PRRC2B: variants seen among roughly 807,000 people sequenced by gnomAD.
PRRC2B encodes proline rich coiled-coil 2B, also known as protein PRRC2B.
A neutral mutation model predicts 242.3 loss-of-function variants in PRRC2B; 68 were observed. The ratio of observed to expected loss-of-function variants is 0.28; its 90% confidence interval spans 0.23 to 0.34. PRRC2B has a LOEUF of 0.34. PRRC2B is among the 10% of genes least tolerant of loss of function. PRRC2B has a pLI of 1.00. For missense variants in PRRC2B, 2,835 were observed against 2,954.8 expected (o/e 0.96, Z 0.94); for synonymous variants, 1,228 against 1,173.6 (o/e 1.05, Z -0.95).
Position 131,482,689 on chromosome 9 carries a change from CCT to C in PRRC2B, c.5176-16_5176-15del, listed in dbSNP as rs1564299746. 44 of 1,545,230 alleles carry C rather than the reference CCT, an allele frequency of 2.8e-5. No individual in the cohort carries two copies. The highest frequency in any genetic ancestry group is 3.7e-5 in the Non-Finnish European group (43 of 1,147,316). On this transcript the variant is annotated intron_variant, in intron 21 of 31. Coordinates refer to ENST00000683519, the MANE Select transcript of PRRC2B (RefSeq NM_013318.4). This position sits in a 1 kb window ranked among gnomAD's most constrained non-coding sequence, Gnocchi z 5.2. The stretch of plus-strand genomic sequence containing the variant: ...GGTCATTCCAGTCTGTGTGTCTCCA[CCT>C]CTCTGCTTTTTTATCAAGGATTCAG...
rs1386168111 is a variant in PRRC2B, at chr9:131,500,073, C to G, written c.*4199C>G. On this transcript the variant is annotated 3_prime_UTR_variant, in exon 32 of 32. Coordinates refer to ENST00000683519, the MANE Select transcript of PRRC2B (RefSeq NM_013318.4). ...GATTCACCAGGCCGGTGCTGGCACA[C>G]TCACCCTCGCCCTTTCCCTCCGGTT... 6.6e-6 allele frequency: 1 copy of G among 152,206 alleles called. No homozygotes were observed. Among genetic ancestry groups the G allele is most frequent in the Non-Finnish European group, 1.5e-5 (1 of 68,034 alleles). The allele number at this position is 152,206 out of a possible 1,614,324, so 9.4% of individuals were successfully genotyped here.
chr9:131,496,621 T>TGGG lies in PRRC2B; in HGVS notation c.*750_*752dup, dbSNP rs1222280933. ...GGGGTGCTCAGAGCAGCAGGCAGGT[T>TGGG]GGGGGAGGGGGGGGGTCATAGTTGG... On this transcript the variant is annotated 3_prime_UTR_variant, in exon 32 of 32. Coordinates refer to ENST00000683519, the MANE Select transcript of PRRC2B (RefSeq NM_013318.4). 2 of 95,068 alleles carry TGGG rather than the reference T, an allele frequency of 2.1e-5. No homozygotes were observed. Among genetic ancestry groups the TGGG allele is most frequent in the Non-Finnish European group, 4.6e-5 (2 of 43,840 alleles). 5.9% of individuals were successfully genotyped at this position (95,068 alleles called of 1,614,324 possible).
intron 1 of PRRC2B, among the ~76,000 whole-genome samples, chr9:131,420,509 T>TCTTTC (rs1299551586): frequency 2.6e-5 from 1 of 38,654 alleles, no homozygotes; most frequent in African/African-American, 7.4e-5. Flanking sequence ...TTTTTTTTTT[T>TCTTTC]TGAGATGGAG....
In PRRC2B at chr9:131,478,575, C is replaced by T. The variant is rs1207091615; in HGVS notation, c.4714C>T (p.Arg1572Cys). The T allele has an allele frequency of 1.2e-5, 19 of 1,608,114 alleles. No homozygotes were observed. Among genetic ancestry groups the T allele is most frequent in the African/African-American group, 1.4e-5 (1 of 73,276 alleles). ...CGAAGTCCTGACCAAGAAGCAGCGCCGCCTGCTGGAGGAAGAGAGAAGAAA... is the reference window on the plus strand; with the variant it reads ...CGAAGTCCTGACCAAGAAGCAGCGCTGCCTGCTGGAGGAAGAGAGAAGAAA... Reference protein sequence around the residue: ...FIEVLTKKQRRLLEEERRKKE... With the variant: ...FIEVLTKKQRCLLEEERRKKE... The change falls in exon 18 of 32, where the codon CGC becomes TGC. Residue 1572 changes from arginine (R) to cysteine (C), a missense_variant. Arg to Cys is a radical substitution (Grantham distance 180, BLOSUM62 -3). This residue lies in a region of PRRC2B where 1,536 missense variants were observed against 1,483.1 expected (regional missense o/e 1.04). Transcript: ENST00000683519.
At chr9:131,447,294 G>A (rs139101563) in intron 8 of PRRC2B, 88 bp downstream of exon 8, 3 of 1,520,102 alleles carry the variant, frequency 2.0e-6, no homozygotes, top group African/African-American at 2.7e-5. Context: ...TAGAAGTGCT[G>A]TGTCTCCTGG....
At chr9:131,465,935 G>A (rs1943383989) in intron 12 of PRRC2B, among the ~76,000 whole-genome samples, 1 of 152,174 alleles carries the variant, frequency 6.6e-6, no homozygotes, top group Non-Finnish European at 1.5e-5. Context: ...ATGTTGGCCA[G>A]GCTGGTTTGG....
intron 9 of PRRC2B, among the ~76,000 whole-genome samples, chr9:131,451,243 C>T (rs1005345219): frequency 2.6e-5 from 4 of 151,966 alleles, no homozygotes; most frequent in African/African-American, 9.7e-5. Context: ...GCTAAAAATA[C>T]AAAAAATTAG....
At chr9:131,493,317 A>G (rs1031004586) in intron 30 of PRRC2B, among the ~76,000 whole-genome samples, 1 of 152,114 alleles carries the variant, frequency 6.6e-6, no homozygotes, top group African/African-American at 2.4e-5. Flanking sequence ...TCGTTTTCCT[A>G]CCATGTCTGT....
intron 29 of PRRC2B, among the ~76,000 whole-genome samples, 182 bp downstream of exon 29, chr9:131,491,762 C>T (rs757167924): frequency 2.6e-5 from 4 of 152,186 alleles, no homozygotes; most frequent in African/African-American, 4.8e-5. Flanking sequence ...CTGAACATGT[C>T]GAGGGCTGAG....
chr9:131,425,644 C>T (rs573487836), intron 1 of PRRC2B, among the ~76,000 whole-genome samples: 10 of 151,636 alleles, frequency 6.6e-5, no homozygotes, highest in South Asian at 2.1e-4. Flanking sequence ...CCTGCCACCA[C>T]GCCAGGCTCA....
Position 131,387,121 on chromosome 9 carries a change from C to T in PRRC2B, c.-56+13390C>T, listed in dbSNP as rs1836836679. Among the ~76,000 whole-genome samples the T allele has an allele frequency of 2.0e-5, 3 of 150,258 alleles. No homozygotes were observed. The Admixed American group carries it at 2.1e-4, about 10-fold the overall frequency. ...GGTTCAAGCGATTCTTCTGCCTCAT[C>T]CTCCCAAGTAGCTGGGATTACAGGC... is the stretch of plus-strand genomic sequence containing the variant. On this transcript the variant is annotated intron_variant, in intron 1 of 1. Coordinates refer to the PRRC2B transcript ENST00000682525.
In PRRC2B at chr9:131,448,980, C is replaced by G. The variant is rs974701620; in HGVS notation, c.1120+1176C>G. ...CTCTGCCCTGCCACCGCTCAAGGGC[C>G]TGCTGCTCTTCTGATTCACTTTACC... On this transcript the variant is annotated intron_variant, in intron 9 of 31. Transcript: ENST00000683519. 8.5e-5 allele frequency among the ~76,000 whole-genome samples: 13 copies of G among 152,180 alleles called. 1 individual carries two copies. Among genetic ancestry groups the G allele is most frequent in the African/African-American group, 3.1e-4 (13 of 41,438 alleles).
chr9:131,462,194 C>T (rs1943260511), intron 11 of PRRC2B, among the ~76,000 whole-genome samples: 1 of 152,114 alleles, frequency 6.6e-6, no homozygotes, highest in South Asian at 2.1e-4. Flanking sequence ...GTATCCAAGG[C>T]ATCTTCTGAC....
chr9:131,417,827 T>C (rs957027733), intron 1 of PRRC2B, among the ~76,000 whole-genome samples: 3 of 152,232 alleles, frequency 2.0e-5, no homozygotes, highest in Admixed American at 6.5e-5. Context: ...GCCCTCTTTA[T>C]GTACACGGGT....
chr9:131,427,220 C>T (rs1483972277), intron 1 of PRRC2B, among the ~76,000 whole-genome samples: 5 of 152,210 alleles, frequency 3.3e-5, no homozygotes, highest in Non-Finnish European at 7.4e-5. Context: ...TGCGCACTTG[C>T]GTGTTTGACA....
chr9:131,421,143 C>T (rs1837828551), intron 1 of PRRC2B, among the ~76,000 whole-genome samples: 1 of 152,328 alleles, frequency 6.6e-6, no homozygotes, highest in East Asian at 1.9e-4. Flanking sequence ...AAGCTGAGTA[C>T]ATTTACTGTC....
chr9:131,426,897 G>A (rs182294414), intron 1 of PRRC2B, among the ~76,000 whole-genome samples: 1 of 152,330 alleles, frequency 6.6e-6, no homozygotes, highest in Admixed American at 6.5e-5. Flanking sequence ...CAAACACCCT[G>A]GTATTCCTTG....
At chr9:131,374,290 G>A (rs559754382) in intron 1 of PRRC2B, among the ~76,000 whole-genome samples, 2 of 152,022 alleles carry the variant, frequency 1.3e-5, no homozygotes, top group East Asian at 1.9e-4. Flanking sequence ...GTGCGGTGGC[G>A]CCCAGCGGAG....
intron 1 of PRRC2B, among the ~76,000 whole-genome samples, chr9:131,402,945 CG>C (rs1564274264): frequency 6.6e-6 from 1 of 152,158 alleles, no homozygotes; most frequent in African/African-American, 2.4e-5. Flanking sequence ...TCCGGGAAGC[CG>C]GCGTCAACTT....
Sources: allele counts gnomAD v4.1 joint callset (sites outside exome capture counted in the v4.1 genomes callset), GRCh38; gene constraint gnomAD v4.1.1; regional missense constraint gnomAD v4.1.1; non-coding constraint Gnocchi (gnomAD v3.1); transcripts MANE v1.5; gene names NCBI Gene and HGNC (gene_info 2026-07-23, HGNC 2026-07-21).